The following NSMAF variants were observed in gnomAD, a reference collection of about 807,000 sequenced individuals.
NSMAF encodes the protein protein FAN.
NSMAF carries 90 observed loss-of-function variants against 134.9 expected under a neutral mutation model. The ratio of observed to expected loss-of-function variants is 0.67; its 90% CI spans 0.56 to 0.79. NSMAF has a LOEUF of 0.79. Ranked by LOEUF, NSMAF falls within the 30% of genes least tolerant of loss-of-function variation. The pLI, the probability that NSMAF is intolerant of heterozygous loss-of-function variation, is 0.00. For synonymous variants in NSMAF, 358 were observed against 389.6 expected (o/e 0.92, Z 0.96); for missense variants, 1,010 against 1,119.0 (o/e 0.90, Z 1.39).
intron 2 of NSMAF, among the ~76,000 whole-genome samples, chr8:58,636,712 C>G (rs77219624): frequency 0.027 from 4,118 of 152,260 alleles, 206 homozygotes; most frequent in African/African-American, 0.093. Flanking sequence ...AATGGGAATG[C>G]CTGTGTTCCA....
In NSMAF at chr8:58,609,752, G is replaced by A. The variant is rs1193380898; in HGVS notation, c.558-19C>T. 2 of 1,612,344 alleles carry A rather than the reference G, an allele frequency of 1.2e-6. No homozygotes were observed. The highest frequency in any genetic ancestry group is 1.3e-5 in the African/African-American group (1 of 74,882). On this transcript the variant is annotated intron_variant, in intron 9 of 30. Coordinates refer to ENST00000038176, the MANE Select transcript of NSMAF (RefSeq NM_003580.4). The stretch of plus-strand genomic sequence containing the variant: ...TTGGAACCTGAAAATAGGTTTTTCA[G>A]CAAAAGTAAGAAAAATCAGAAATTG...
At chr8:58,598,096 G>C (rs575010777) in intron 19 of NSMAF, among the ~76,000 whole-genome samples, 194 bp from the exon 20 acceptor site, 1 of 152,274 alleles carries the variant, frequency 6.6e-6, no homozygotes, top group African/African-American at 2.4e-5. Flanking sequence ...AAATCTACTT[G>C]TCAGGTAGAG....
chr8:58,615,102 G>C (rs920022449), intron 9 of NSMAF, among the ~76,000 whole-genome samples: 1 of 151,976 alleles, frequency 6.6e-6, no homozygotes, highest in Non-Finnish European at 1.5e-5. Flanking sequence ...CAAATGAAGA[G>C]GGACATTTCC....
At chr8:58,637,722 A>C (rs1807234938) in intron 2 of NSMAF, among the ~76,000 whole-genome samples, 1 of 152,232 alleles carries the variant, frequency 6.6e-6, no homozygotes, top group African/African-American at 2.4e-5. Context: ...TCCAAAAAAG[A>C]AATTACAGAA....
intron 12 of NSMAF, among the ~76,000 whole-genome samples, chr8:58,603,850 C>CA (rs1296248360): frequency 2.0e-5 from 3 of 152,016 alleles, no homozygotes; most frequent in Non-Finnish European, 2.9e-5. Flanking sequence ...GCTAATTTGT[C>CA]AATGACTACA....
chr8:58,599,447 G>C, intron 18 of NSMAF, 84 bp from the exon 19 acceptor site: 1 of 1,439,198 alleles, frequency 6.9e-7, no homozygotes, highest in Non-Finnish European at 9.4e-7. Context: ...TGTATATAAA[G>C]CTTCTAGGAC....
intron 9 of NSMAF, among the ~76,000 whole-genome samples, chr8:58,618,484 A>G (rs1426803683): frequency 2.6e-5 from 4 of 152,148 alleles, no homozygotes; most frequent in African/African-American, 7.2e-5. Context: ...TATCCTTCTA[A>G]CAAGTACCTG....
chr8:58,627,361 C>A (rs1012018426), intron 6 of NSMAF, among the ~76,000 whole-genome samples: 11 of 152,218 alleles, frequency 7.2e-5, no homozygotes, highest in Admixed American at 5.2e-4. Context: ...GAAGTCCTAG[C>A]CACAGCAATC....
Position 58,643,063 on chromosome 8 carries a change from G to A in NSMAF, c.70C>T (p.Leu24=), listed in dbSNP as rs1422910893. Residue 24 remains leucine (L), a synonymous_variant, in exon 2 of 31, where the codon CTG becomes TTG. Coordinates refer to ENST00000038176, the MANE Select transcript of NSMAF (RefSeq NM_003580.4). ...QLYSKERFSL[L]LLNLEEYYFE... Reference sequence around the variant, plus strand: ...TAGTACTCCTCCAAGTTAAGCAGCAGCAAGGAAAATCTGGATTTGGGGCGA... The same window carrying A: ...TAGTACTCCTCCAAGTTAAGCAGCAACAAGGAAAATCTGGATTTGGGGCGA... The A allele has an allele frequency of 2.5e-6, 4 of 1,613,822 alleles. No individual in the cohort carries two copies. The highest frequency in any genetic ancestry group is 2.2e-5 in the South Asian group (2 of 91,068).
At chr8:58,613,540 G>C (rs1169341259) in intron 9 of NSMAF, among the ~76,000 whole-genome samples, 1 of 151,678 alleles carries the variant, frequency 6.6e-6, no homozygotes, top group Non-Finnish European at 1.5e-5. Context: ...GAAAAGAAGG[G>C]AGAAAAGGAG....
intron 5 of NSMAF, among the ~76,000 whole-genome samples, chr8:58,632,966 G>C (rs1807089517): frequency 6.6e-6 from 1 of 152,104 alleles, no homozygotes; most frequent in African/African-American, 2.4e-5. Context: ...AATATACCTA[G>C]ACAATGACCA....
At position 58,586,585 on chromosome 8, in the gene NSMAF, A is replaced by G; in HGVS notation, c.2319T>C (p.Ala773=). 6.2e-7 allele frequency: 1 copy of G among 1,613,890 alleles called. No individual in the cohort carries two copies. Residue 773 remains alanine, a synonymous_variant, in exon 28 of 31, where the codon GCT becomes GCC. Transcript: ENST00000038176. ...DVSVDTISLN[A]ASTLLVSGTK... is the part of the protein sequence containing the mutation. Reference sequence around the variant, plus strand: ...TGCCGGAAACTAACAGTGTGCTTGCAGCATTTAAACTGATTGTATCTACCT... The same window carrying G: ...TGCCGGAAACTAACAGTGTGCTTGCGGCATTTAAACTGATTGTATCTACCT...
In NSMAF at chr8:58,590,810, T is replaced by C; in HGVS notation, c.2019+57A>G. ...GAAATAAAGTATTATTGTATGGGTG[T>C]GTATAAAACAAACTACTACACGGAT... is the stretch of plus-strand genomic sequence containing the variant. On this transcript the variant is annotated intron_variant, in intron 24 of 30. Transcript: ENST00000038176. The C allele has an allele frequency of 2.0e-6, 3 of 1,470,472 alleles. No homozygotes were observed. In the South Asian group the frequency reaches 3.5e-5, roughly 17 times the overall value. 91.1% of individuals were successfully genotyped at this position (1,470,472 alleles called of 1,614,324 possible). A position where few individuals can be genotyped will look rare whatever the true frequency, so the allele number is the denominator to read the frequency against.
At chr8:58,602,701 T>C (rs938442372) in intron 13 of NSMAF, among the ~76,000 whole-genome samples, 1 of 152,206 alleles carries the variant, frequency 6.6e-6, no homozygotes, top group Non-Finnish European at 1.5e-5. Flanking sequence ...CAATTACATT[T>C]TTCTTAAAAT....
In NSMAF at chr8:58,589,639, A is replaced by G. The variant is rs1378542275; in HGVS notation, c.2088-64T>C. The G allele has an allele frequency of 3.4e-6, 5 of 1,453,164 alleles. No individual in the cohort carries two copies. In the African/African-American group the frequency reaches 5.9e-5, roughly 17 times the overall value. 90.0% of individuals were successfully genotyped at this position (1,453,164 alleles called of 1,614,324 possible). Reference sequence around the variant, plus strand: ...TTAATTTTAAGGCTCCTAAACATATATTAAAGAAACATTATGTTGTTTCAT... The same window carrying G: ...TTAATTTTAAGGCTCCTAAACATATGTTAAAGAAACATTATGTTGTTTCAT... On this transcript the variant is annotated intron_variant, in intron 25 of 30. Transcript: ENST00000038176.
chr8:58,590,305 C>T (rs1267189371), intron 24 of NSMAF, among the ~76,000 whole-genome samples: 2 of 152,118 alleles, frequency 1.3e-5, no homozygotes, highest in Non-Finnish European at 2.9e-5. Context: ...AGCCTGATGA[C>T]TCTCCAGGGT....
chr8:58,614,706 A>G (rs967743705), intron 9 of NSMAF, among the ~76,000 whole-genome samples: 4 of 152,198 alleles, frequency 2.6e-5, no homozygotes, highest in Admixed American at 2.0e-4. Context: ...TTGGACGCTG[A>G]GTCAGCTGGG....
chr8:58,642,436 AGTTATT>A (rs1206899664), intron 2 of NSMAF, among the ~76,000 whole-genome samples: 1 of 152,238 alleles, frequency 6.6e-6, no homozygotes, highest in Non-Finnish European at 1.5e-5. Flanking sequence ...AGTGAGTAAT[AGTTATT>A]AAGATACTGA....
intron 6 of NSMAF, 174 bp downstream of exon 6, chr8:58,631,322 C>T: frequency 6.4e-5 from 23 of 356,618 alleles, no homozygotes; most frequent in South Asian, 1.6e-4. Flanking sequence ...TAATTGAATT[C>T]TCTTGAAATA....
Sources: allele counts gnomAD v4.1 joint callset (sites outside exome capture counted in the v4.1 genomes callset), GRCh38; gene constraint gnomAD v4.1.1; transcripts MANE v1.5; gene names NCBI Gene and HGNC (gene_info 2026-07-23, HGNC 2026-07-21).